HECW2: variants seen among roughly 807,000 people sequenced by gnomAD.
HECW2 encodes HECT, C2 and WW domain containing E3 ubiquitin protein ligase 2, also known as E3 ubiquitin-protein ligase HECW2.
A neutral mutation model predicts 175.2 loss-of-function variants in HECW2; 61 were observed. The observed-to-expected ratio is 0.35, with a 90% confidence interval of 0.28 to 0.43. The LOEUF (loss-of-function observed/expected upper bound fraction) is 0.43. HECW2 is among the 20% of genes least tolerant of loss of function. The pLI, the probability that HECW2 is intolerant of heterozygous loss-of-function variation, is 1.00. For synonymous variants in HECW2, 671 were observed against 731.0 expected (o/e 0.92, Z 1.32); for missense variants, 1,524 against 2,000.5 (o/e 0.76, Z 4.54).
intron 21 of HECW2, among the ~76,000 whole-genome samples, chr2:196,230,128 G>A (rs749108075): frequency 1.3e-5 from 2 of 152,164 alleles, no homozygotes; most frequent in Non-Finnish European, 2.9e-5. Flanking sequence ...ATGCTAACAG[G>A]TGGCTCCCAG....
At chr2:196,571,985 G>C (rs1271934186) in intron 1 of HECW2, among the ~76,000 whole-genome samples, 1 of 152,150 alleles carries the variant, frequency 6.6e-6, no homozygotes, top group Non-Finnish European at 1.5e-5. Flanking sequence ...ACTACAACAT[G>C]GAAGAATCTT....
At chr2:196,554,003 T>C (rs1006966154) in intron 1 of HECW2, among the ~76,000 whole-genome samples, 4 of 152,132 alleles carry the variant, frequency 2.6e-5, no homozygotes, top group African/African-American at 9.7e-5. Flanking sequence ...CCAGGGAGGG[T>C]AGCTCCCTGA....
chr2:196,542,916 C>T (rs1239517016), intron 1 of HECW2, among the ~76,000 whole-genome samples: 1 of 147,106 alleles, frequency 6.8e-6, no homozygotes, highest in Non-Finnish European at 1.5e-5. Context: ...TAATATAGAT[C>T]TATAGATATA....
chr2:196,495,206 T>C (rs1402239835), intron 1 of HECW2, among the ~76,000 whole-genome samples: 1 of 152,100 alleles, frequency 6.6e-6, no homozygotes, highest in Non-Finnish European at 1.5e-5. Flanking sequence ...TAACTGGGAT[T>C]ACAAGCGTAC....
chr2:196,203,829 C>T (rs76565629), intron 28 of HECW2, among the ~76,000 whole-genome samples: 3,160 of 152,262 alleles, frequency 0.021, 79 homozygotes, highest in East Asian at 0.14. Context: ...TTCTGCATCT[C>T]GCAAAACTGA....
Position 196,355,753 on chromosome 2 carries a change from C to A in HECW2, c.293-11989G>T, listed in dbSNP as rs1693342293. Among the ~76,000 whole-genome samples, 3 of 152,054 alleles carry A rather than the reference C, an allele frequency of 2.0e-5. No individual in the cohort carries two copies. In the South Asian group the frequency reaches 6.2e-4, roughly 32 times the overall value. ...GGAGTAAAAGAGTCAAAGTCCCTGT[C>A]CTGGTGGAGATTTTGGTCTGGTGGG... is the stretch of plus-strand genomic sequence containing the variant. On this transcript the variant is annotated intron_variant, in intron 2 of 28. Coordinates refer to ENST00000644978, the MANE Select transcript of HECW2 (RefSeq NM_001348768.2).
At chr2:196,230,300 G>A (rs1053302099) in intron 21 of HECW2, among the ~76,000 whole-genome samples, 3 of 152,178 alleles carry the variant, frequency 2.0e-5, no homozygotes, top group Admixed American at 2.0e-4. Context: ...CTGTGACGCC[G>A]CCAGGAACAA....
intron 3 of HECW2, among the ~76,000 whole-genome samples, chr2:196,342,739 G>A (rs903347749): frequency 2.0e-5 from 3 of 152,036 alleles, no homozygotes; most frequent in Non-Finnish European, 1.5e-5. Context: ...CAGTGAGCCC[G>A]TCTATTTCAT....
intron 2 of HECW2, among the ~76,000 whole-genome samples, chr2:196,354,044 G>A (rs762997535): frequency 6.6e-6 from 1 of 152,148 alleles, no homozygotes; most frequent in Non-Finnish European, 1.5e-5. Flanking sequence ...GTAATCAAAA[G>A]GCTGTTAATA....
At chr2:196,264,062 C>T (rs1689414612) in intron 17 of HECW2, 1 of 152,124 alleles carries the variant, frequency 6.6e-6, no homozygotes. Context: ...TGCCAACATA[C>T]TATTAACATG....
At chr2:196,430,314 C>T (rs1695672233) in intron 2 of HECW2, among the ~76,000 whole-genome samples, 1 of 152,064 alleles carries the variant, frequency 6.6e-6, no homozygotes, top group South Asian at 2.1e-4. Context: ...AAAAAATCAA[C>T]ACTGTTATTC....
intron 1 of HECW2, among the ~76,000 whole-genome samples, chr2:196,435,491 C>G (rs1695842068): frequency 6.6e-6 from 1 of 152,160 alleles, no homozygotes; most frequent in Non-Finnish European, 1.5e-5. Context: ...TATAACTAAA[C>G]TACTTCCCTG....
intron 2 of HECW2, among the ~76,000 whole-genome samples, chr2:196,405,105 A>G (rs912264544): frequency 6.6e-6 from 1 of 151,558 alleles, no homozygotes; most frequent in African/African-American, 2.4e-5. Flanking sequence ...TGCTGGGATT[A>G]CAGGTGTGAG....
chr2:196,402,676 T>C (rs531540583), intron 2 of HECW2, among the ~76,000 whole-genome samples: 1 of 152,102 alleles, frequency 6.6e-6, no homozygotes, highest in Admixed American at 6.5e-5. Context: ...AAAAACAAAC[T>C]GTAAGAGAAC....
chr2:196,272,974 C>A (rs11893319), intron 16 of HECW2, among the ~76,000 whole-genome samples: 2 of 149,820 alleles, frequency 1.3e-5, no homozygotes, highest in Admixed American at 1.3e-4. Flanking sequence ...ATGGGCATTA[C>A]ATTGAATTTC....
chr2:196,481,823 G>C (rs1163179709), intron 1 of HECW2, among the ~76,000 whole-genome samples: 1 of 152,046 alleles, frequency 6.6e-6, no homozygotes, highest in Non-Finnish European at 1.5e-5. Context: ...AGATAAAAAG[G>C]GACTTACATG....
chr2:196,574,258 C>T (rs576475133), intron 1 of HECW2, among the ~76,000 whole-genome samples: 2 of 151,966 alleles, frequency 1.3e-5, no homozygotes, highest in East Asian at 1.9e-4. Flanking sequence ...GGTGAAACCC[C>T]GTGTCCACTA....
At chr2:196,583,913 A>G (rs1690882995) in intron 1 of HECW2, among the ~76,000 whole-genome samples, 1 of 152,202 alleles carries the variant, frequency 6.6e-6, no homozygotes, top group Non-Finnish European at 1.5e-5. Flanking sequence ...TACCACCTAA[A>G]ACAGCAGATG....
intron 2 of HECW2, among the ~76,000 whole-genome samples, chr2:196,400,801 C>T (rs1037086881): frequency 6.7e-6 from 1 of 149,604 alleles, no homozygotes; most frequent in Non-Finnish European, 1.5e-5. Flanking sequence ...GAGCCACTAA[C>T]CCCCATTCCC....
Sources: gnomAD v4.1 joint callset for allele counts (sites outside exome capture counted in the v4.1 genomes callset) on GRCh38, gnomAD v4.1.1 for gene constraint, MANE v1.5 for transcripts, NCBI Gene and HGNC (gene_info 2026-07-23, HGNC 2026-07-21) for gene names.